The following LMX1B variants were observed in gnomAD, a reference collection of about 807,000 sequenced individuals.
LMX1B encodes the protein LIM homeobox transcription factor 1 beta, also known as LIM homeobox transcription factor 1-beta.
LMX1B carries 12 observed loss-of-function variants against 51.4 expected under a neutral mutation model. The observed-to-expected ratio is 0.23, with a 90% CI of 0.15 to 0.38. LMX1B has a LOEUF of 0.38. Among genes scored for constraint, LMX1B ranks in the 10% least tolerant of loss-of-function variants. LMX1B has a pLI of 1.00. For missense variants in LMX1B, 445 were observed against 571.1 expected, an observed-to-expected ratio of 0.78 and a Z score of 2.25; for synonymous variants, 237 against 235.4, an observed-to-expected ratio of 1.01 and a Z score of -0.06.
chr9:126,641,684 A>G lies in LMX1B; in HGVS notation c.326+26115A>G, dbSNP rs1021030136. 6.6e-6 allele frequency among the ~76,000 whole-genome samples: 1 copy of G among 152,088 alleles called. No individual in the cohort carries two copies. Among genetic ancestry groups the G allele is most frequent in the Non-Finnish European group, 1.5e-5 (1 of 68,006 alleles). On this transcript the variant is annotated intron_variant, in intron 2 of 7. Transcript: ENST00000373474. The surrounding 1 kb of genome is among the most constrained non-coding windows in gnomAD (Gnocchi z 4.1). ...CCCACCACGCTGCTTGCTGAGCTGC[A>G]CTGGGGAGGCTCTTTCTTCAAGGGG...
At chr9:126,666,595 C>G (rs1836345523) in intron 2 of LMX1B, among the ~76,000 whole-genome samples, 3 of 152,358 alleles carry the variant, frequency 2.0e-5, no homozygotes, top group Non-Finnish European at 2.9e-5. Context: ...AATAACCTCA[C>G]TGGCGCCATT....
rs768109826 is a variant in LMX1B, at chr9:126,696,016, AC to A, written c.1051+18del. 2.3e-4 allele frequency: 345 copies of A among 1,513,064 alleles called. No homozygotes were observed. The highest frequency in any genetic ancestry group is 6.4e-4 in the Admixed American group (34 of 53,094). 93.7% of individuals were successfully genotyped at this position (1,513,064 alleles called of 1,614,324 possible). A position where few individuals can be genotyped will look rare whatever the true frequency, so the allele number is the denominator to read the frequency against. ...ATGAACCCCTATGGTAAGCCGCCCT[AC>A]CCCCACCCGCCCGCCCCAGCACAGC... On this transcript the variant is annotated intron_variant, in intron 7 of 7. Coordinates refer to ENST00000373474, the MANE Select transcript of LMX1B (RefSeq NM_001174147.2).
chr9:126,616,604 T>G (rs533696132), intron 2 of LMX1B, among the ~76,000 whole-genome samples: 30 of 152,226 alleles, frequency 2.0e-4, no homozygotes, highest in Non-Finnish European at 4.0e-4. Flanking sequence ...TGGATGAGGC[T>G]GCAGAGCGGG....
chr9:126,651,496 T>C (rs192684377), intron 2 of LMX1B, among the ~76,000 whole-genome samples: 3 of 152,014 alleles, frequency 2.0e-5, no homozygotes, highest in East Asian at 3.9e-4. Flanking sequence ...TTGTGAAGGA[T>C]AAACAAAACG....
chr9:126,681,560 C>T (rs1359922831), intron 2 of LMX1B, among the ~76,000 whole-genome samples: 1 of 145,150 alleles, frequency 6.9e-6, no homozygotes, highest in Non-Finnish European at 1.6e-5. Flanking sequence ...CCTGCTCCTC[C>T]CTCTAACCCG....
intron 2 of LMX1B, among the ~76,000 whole-genome samples, chr9:126,620,789 G>A (rs1442788115): frequency 6.6e-6 from 1 of 152,170 alleles, no homozygotes; most frequent in African/African-American, 2.4e-5. Flanking sequence ...GCATCTCCAG[G>A]GCCTCCATAT....
intron 2 of LMX1B, among the ~76,000 whole-genome samples, chr9:126,634,722 A>T (rs1297695096): frequency 6.6e-6 from 1 of 152,120 alleles, no homozygotes; most frequent in Admixed American, 6.6e-5. Context: ...TGTTGTAGGG[A>T]TTAATTTTGT....
chr9:126,693,843 A>G (rs1469091809), intron 6 of LMX1B, 31 bp downstream of exon 6: 3 of 1,054,020 alleles, frequency 2.8e-6, no homozygotes, highest in Non-Finnish European at 4.2e-6. Flanking sequence ...GGCCTGGGCC[A>G]GGGTGAGCTG....
intron 3 of LMX1B, among the ~76,000 whole-genome samples, chr9:126,691,476 C>T (rs2030128342): frequency 6.6e-6 from 1 of 152,234 alleles, no homozygotes; most frequent in South Asian, 2.1e-4. Context: ...AGCATACATA[C>T]ACATACACAC....
intron 2 of LMX1B, among the ~76,000 whole-genome samples, chr9:126,634,570 C>T (rs981762407): frequency 3.3e-5 from 5 of 151,268 alleles, no homozygotes; most frequent in Non-Finnish European, 7.4e-5. Context: ...TTACCCACCT[C>T]CTGCATTAGC....
Position 126,643,646 on chromosome 9 carries a change from G to C in LMX1B, c.326+28077G>C, listed in dbSNP as rs1267990521. On this transcript the variant is annotated intron_variant, in intron 2 of 7. Coordinates refer to ENST00000373474, the MANE Select transcript of LMX1B (RefSeq NM_001174147.2). ...AAAAGGGGATGTCATTAGTAATTAT[G>C]CTGGGACCACAAGTATAAGCCAGGA... Among the ~76,000 whole-genome samples the C allele has an allele frequency of 2.6e-5, 4 of 152,276 alleles. No homozygotes were observed. The East Asian group carries it at 5.8e-4, about 22-fold the overall frequency.
intron 2 of LMX1B, among the ~76,000 whole-genome samples, chr9:126,669,333 C>A (rs1836406495): frequency 6.6e-6 from 1 of 152,128 alleles, no homozygotes. Flanking sequence ...ATCTGTGAGT[C>A]GGGAGCCCTG....
At chr9:126,676,230 C>T (rs901966160) in intron 2 of LMX1B, among the ~76,000 whole-genome samples, 3 of 152,144 alleles carry the variant, frequency 2.0e-5, no homozygotes, top group African/African-American at 7.2e-5. Flanking sequence ...GTGTTTCTCT[C>T]CTGCCTGGCC....
chr9:126,696,201 C>G, intron 7 of LMX1B, 93 bp from the exon 8 acceptor site: 1 of 1,332,308 alleles, frequency 7.5e-7, no homozygotes, highest in Non-Finnish European at 1.1e-6. Context: ...CCTGTCTCTC[C>G]CTGGCCTCCA....
intron 2 of LMX1B, among the ~76,000 whole-genome samples, chr9:126,622,056 G>C (rs893468015): frequency 4.6e-5 from 7 of 152,162 alleles, no homozygotes; most frequent in Non-Finnish European, 1.0e-4. Context: ...ACTGGCAGCC[G>C]CTGGACCTGC....
Position 126,614,050 on chromosome 9 carries a change from C to CCA in LMX1B, c.-399_-398insAC, listed in dbSNP as rs1389363694. On this transcript the variant is annotated 5_prime_UTR_variant, in exon 1 of 8. Coordinates refer to ENST00000373474, the MANE Select transcript of LMX1B (RefSeq NM_001174147.2). ...CGGGACCCCGCTGCGCCGCGCGCCC[C>CCA]CCCCGCGGCCCGCGGGGCCGCCCCT... Among the ~76,000 whole-genome samples the CCA allele has an allele frequency of 1.5e-5, 2 of 134,644 alleles. No homozygotes were observed. The highest frequency in any genetic ancestry group is 3.3e-5 in the Non-Finnish European group (2 of 60,864). The allele number at this position is 134,644 out of a possible 152,430, so 88.3% of individuals were successfully genotyped here. A position where few individuals can be genotyped will look rare whatever the true frequency, so the allele number is the denominator to read the frequency against.
chr9:126,621,005 C>T (rs1221683540), intron 2 of LMX1B, among the ~76,000 whole-genome samples: 3 of 152,144 alleles, frequency 2.0e-5, no homozygotes, highest in Non-Finnish European at 4.4e-5. Flanking sequence ...CCCTCCAGCT[C>T]GGGCTCTGTG....
chr9:126,652,279 G>A (rs1343700424), intron 2 of LMX1B, among the ~76,000 whole-genome samples: 3 of 142,404 alleles, frequency 2.1e-5, no homozygotes, highest in African/African-American at 7.7e-5. Flanking sequence ...TGGAGCAGCA[G>A]GAGTCTGAGG....
At chr9:126,645,512 C>T (rs1588277207) in intron 2 of LMX1B, among the ~76,000 whole-genome samples, 2 of 152,372 alleles carry the variant, frequency 1.3e-5, no homozygotes, top group Non-Finnish European at 1.5e-5. Context: ...TTTCAACCCA[C>T]TCACTCCTCC....
Sources: allele counts gnomAD v4.1 joint callset (sites outside exome capture counted in the v4.1 genomes callset), GRCh38; gene constraint gnomAD v4.1.1; non-coding constraint Gnocchi (gnomAD v3.1); transcripts MANE v1.5; gene names NCBI Gene and HGNC (gene_info 2026-07-23, HGNC 2026-07-21).